Variants in GRID2 observed in about 807,000 individuals in gnomAD.
GRID2 encodes glutamate receptor ionotropic, delta-2.
Under a neutral mutation model 114.8 loss-of-function variants are expected in GRID2, and 33 were observed. The observed-to-expected ratio is 0.29, with a 90% CI of 0.22 to 0.38. The LOEUF (loss-of-function observed/expected upper bound fraction) is 0.38. GRID2 is among the 10% of genes least tolerant of loss of function. The pLI is 1.00. For synonymous variants in GRID2, 505 were observed against 449.9 expected (o/e 1.12, Z -1.55); for missense variants, 1,184 against 1,257.7 (o/e 0.94, Z 0.89).
At chr4:92,306,914 C>T (rs1179942444) in intron 1 of GRID2, among the ~76,000 whole-genome samples, 6 of 152,076 alleles carry the variant, frequency 3.9e-5, no homozygotes, top group African/African-American at 1.4e-4. Flanking sequence ...ATAATTAGTA[C>T]ATTAGATGAG....
At chr4:93,204,187 A>G (rs1200866122) in intron 4 of GRID2, 1 of 152,184 alleles carries the variant, frequency 6.6e-6, no homozygotes, top group African/African-American at 2.4e-5. Context: ...AAATTCATTT[A>G]GTAACCTAAA....
intron 2 of GRID2, among the ~76,000 whole-genome samples, chr4:92,984,462 G>T (rs999393462): frequency 6.6e-6 from 1 of 152,208 alleles, no homozygotes; most frequent in Admixed American, 6.5e-5. Context: ...AGAAAGACTG[G>T]CTTGTATCTT....
At chr4:93,803,721 C>G (rs76303179) in intron 1 of GRID2, among the ~76,000 whole-genome samples, 1 of 137,224 alleles carries the variant, frequency 7.3e-6, no homozygotes, top group Non-Finnish European at 1.6e-5. Flanking sequence ...GACTTCGTCT[C>G]AAAAAAAAAA....
At chr4:93,587,794 C>T (rs891407709) in intron 13 of GRID2, among the ~76,000 whole-genome samples, 1 of 151,984 alleles carries the variant, frequency 6.6e-6, no homozygotes, top group Non-Finnish European at 1.5e-5. Context: ...GAGTAAATTA[C>T]ATATAAATGC....
intron 14 of GRID2, among the ~76,000 whole-genome samples, chr4:93,743,330 A>G (rs1052124724): frequency 2.0e-5 from 3 of 152,220 alleles, no homozygotes; most frequent in Non-Finnish European, 2.9e-5. Context: ...GGGTGCTAAC[A>G]TGGAAGCTAC....
intron 1 of GRID2, among the ~76,000 whole-genome samples, chr4:92,431,018 T>G (rs2110340416): frequency 6.6e-6 from 1 of 152,202 alleles, no homozygotes; most frequent in South Asian, 2.1e-4. Context: ...ACTCATTAGG[T>G]TTTTCCAAAT....
intron 14 of GRID2, among the ~76,000 whole-genome samples, chr4:93,670,554 C>T (rs771239361): frequency 3.3e-5 from 5 of 152,066 alleles, no homozygotes; most frequent in Admixed American, 6.6e-5. Context: ...TTGAATGTCT[C>T]GAAGCTGAAT....
chr4:92,792,465 A>G (rs1739638710), intron 2 of GRID2, among the ~76,000 whole-genome samples: 1 of 133,848 alleles, frequency 7.5e-6, no homozygotes, highest in African/African-American at 2.8e-5. Flanking sequence ...GAACACACAC[A>G]CACACACACA....
In GRID2 at chr4:93,615,016, G is replaced by A. The variant is rs368414453; in HGVS notation, c.2194-11253G>A. Among the ~76,000 whole-genome samples the A allele has an allele frequency of 7.0e-4, 107 of 152,242 alleles. No individual in the cohort carries two copies. The Middle Eastern group carries it at 0.014, about 19-fold the overall frequency. On this transcript the variant is annotated intron_variant, in intron 13 of 15. Transcript: ENST00000282020. ...AACTGAATATAGTCAAACATAAAAT[G>A]CACTTTGGTGTGCAATGCTGCTCTT...
chr4:93,133,375 T>C (rs1191115368), intron 4 of GRID2, among the ~76,000 whole-genome samples: 1 of 152,182 alleles, frequency 6.6e-6, no homozygotes, highest in Non-Finnish European at 1.5e-5. Flanking sequence ...TGAGCTTTAA[T>C]TTGAGTTTAA....
intron 1 of GRID2, among the ~76,000 whole-genome samples, chr4:92,398,091 C>T (rs1579296027): frequency 6.6e-6 from 1 of 152,066 alleles, no homozygotes; most frequent in African/African-American, 2.4e-5. Context: ...ATTTGCAGCG[C>T]TATTTGACAT....
intron 2 of GRID2, among the ~76,000 whole-genome samples, chr4:92,803,763 A>G (rs1740283448): frequency 6.6e-6 from 1 of 152,162 alleles, no homozygotes. Context: ...GTATACAGCC[A>G]TACATTCTTT....
chr4:92,917,083 T>C (rs1748869743), intron 2 of GRID2, among the ~76,000 whole-genome samples: 1 of 152,200 alleles, frequency 6.6e-6, no homozygotes, highest in African/African-American at 2.4e-5. Flanking sequence ...TATCTCATTG[T>C]GGTTTTGATT....
intron 10 of GRID2, among the ~76,000 whole-genome samples, chr4:93,425,354 A>G (rs571633576): frequency 6.6e-6 from 1 of 152,300 alleles, no homozygotes; most frequent in Admixed American, 6.5e-5. Flanking sequence ...AACATTGTTA[A>G]GGCAGGTCTA....
chr4:92,413,471 A>G (rs1731436683), intron 1 of GRID2, among the ~76,000 whole-genome samples: 2 of 152,182 alleles, frequency 1.3e-5, no homozygotes, highest in Non-Finnish European at 2.9e-5. Context: ...TTAACTATCC[A>G]AGTCAGTAGT....
chr4:93,767,391 C>T (rs1279015238), intron 14 of GRID2, among the ~76,000 whole-genome samples: 2 of 152,122 alleles, frequency 1.3e-5, no homozygotes, highest in African/African-American at 4.8e-5. Flanking sequence ...ATAAGGGTGA[C>T]ATATAACCCA....
At chr4:93,111,484 C>A (rs1445201467) in intron 4 of GRID2, among the ~76,000 whole-genome samples, 1 of 152,126 alleles carries the variant, frequency 6.6e-6, no homozygotes, top group Non-Finnish European at 1.5e-5. Flanking sequence ...GATGCTGCAT[C>A]CTCAAATTTT....
chr4:93,707,249 A>G (rs998916612), intron 14 of GRID2, among the ~76,000 whole-genome samples: 5 of 151,956 alleles, frequency 3.3e-5, no homozygotes, highest in African/African-American at 1.2e-4. Flanking sequence ...CTCCTACTCT[A>G]TTTTTTGGAG....
chr4:93,557,750 T>C (rs988747823), intron 13 of GRID2, among the ~76,000 whole-genome samples: 4 of 152,240 alleles, frequency 2.6e-5, no homozygotes, highest in Admixed American at 2.6e-4. Flanking sequence ...AATAGTCATC[T>C]ACAGAACTTT....
Sources: allele counts gnomAD v4.1 joint callset (sites outside exome capture counted in the v4.1 genomes callset), GRCh38; gene constraint gnomAD v4.1.1; transcripts MANE v1.5; gene names NCBI Gene and HGNC (gene_info 2026-07-23, HGNC 2026-07-21).